The following STARD7 variants were observed in gnomAD, a reference collection of about 807,000 sequenced individuals.
The protein encoded by STARD7 is stAR-related lipid transfer protein 7, mitochondrial.
In STARD7, 30 loss-of-function variants were observed where a neutral mutation model predicts 45.3. That is an observed-to-expected ratio of 0.66 (90% CI 0.50 to 0.90). The LOEUF is 0.90. Among genes scored for constraint, STARD7 ranks in the 40% least tolerant of loss-of-function variants. The probability of loss-of-function intolerance (pLI) is 0.00; values close to 1 mark genes in which losing one functional copy is unlikely to be tolerated. For synonymous variants in STARD7, 199 were observed against 183.0 expected (o/e 1.09, Z -0.70); for missense variants, 495 against 491.3 (o/e 1.01, Z -0.07).
At chr2:96,188,622 G>A (rs1220069767) in intron 6 of STARD7, among the ~76,000 whole-genome samples, 4 of 151,458 alleles carry the variant, frequency 2.6e-5, no homozygotes, top group East Asian at 2.0e-4. Flanking sequence ...GGTGGCTCAC[G>A]TCTGTAATCT....
rs1291192196 is a variant in STARD7, at chr2:96,185,382, AAAAAC to A, written c.*1343_*1347del. 2,594 of 151,976 alleles carry A rather than the reference AAAAAC, an allele frequency of 0.017. 188 individuals are homozygous for A. The East Asian group carries it at 0.21, about 12-fold the overall frequency. The allele number at this position is 151,976 out of a possible 1,614,324, so 9.4% of individuals were successfully genotyped here. ...ACAAAACAGTAGCAAGCAGGAAAAC[AAAAAC>A]AAAAACAAAAACAAAAACTCTGGCC... On this transcript the variant is annotated 3_prime_UTR_variant, in exon 8 of 8. Coordinates refer to ENST00000337288, the MANE Select transcript of STARD7 (RefSeq NM_020151.4).
At chr2:96,193,779 C>T (rs1217791244) in intron 3 of STARD7, among the ~76,000 whole-genome samples, 3 of 152,194 alleles carry the variant, frequency 2.0e-5, no homozygotes, top group African/African-American at 7.2e-5. Context: ...TCACTAGTAA[C>T]TGAAGATTTT....
chr2:96,205,829 A>G (rs1324875757), intron 1 of STARD7, among the ~76,000 whole-genome samples: 1 of 152,228 alleles, frequency 6.6e-6, no homozygotes, highest in Non-Finnish European at 1.5e-5. Flanking sequence ...CACATTAACA[A>G]ATATTTTAAA....
chr2:96,199,657 G>A (rs1683275474), intron 1 of STARD7, among the ~76,000 whole-genome samples: 1 of 152,116 alleles, frequency 6.6e-6, no homozygotes, highest in Non-Finnish European at 1.5e-5. Context: ...ATTTCCTTAT[G>A]TTGCCTGATT....
intron 1 of STARD7, among the ~76,000 whole-genome samples, chr2:96,204,247 G>A (rs1416898530): frequency 6.6e-6 from 1 of 151,818 alleles, no homozygotes; most frequent in Non-Finnish European, 1.5e-5. Context: ...GCGACAGAGT[G>A]AGATTATGTC....
chr2:96,208,215 C>A lies in STARD7; in HGVS notation c.220G>T (p.Ala74Ser), dbSNP rs575047234. 2 of 1,612,422 alleles carry A rather than the reference C, an allele frequency of 1.2e-6. No homozygotes were observed. Among genetic ancestry groups the A allele is most frequent in the African/African-American group, 1.3e-5 (1 of 74,872 alleles). Residue 74 changes from alanine to serine, a missense_variant, in exon 1 of 8, where the codon GCC (alanine) becomes TCC (serine). By Grantham distance (99) the Ala-to-Ser change is moderately conservative (BLOSUM62 1). This residue lies in a region of STARD7 where 282 missense variants were observed against 220.1 expected (regional missense o/e 1.28). Transcript: ENST00000337288. ...ACGCCGGCTAACGCCGCCATCAAGG[C>A]AGAGGCATGGCCAGGACGGCCGTGC... ...RLHGRPGHAS[A>S]LMAALAGVFV...
chr2:96,200,653 A>G (rs1042554343), intron 1 of STARD7, among the ~76,000 whole-genome samples: 1 of 152,144 alleles, frequency 6.6e-6, no homozygotes, highest in African/African-American at 2.4e-5. Flanking sequence ...TATAATAATA[A>G]TTTTTTAAAA....
intron 1 of STARD7, among the ~76,000 whole-genome samples, chr2:96,198,621 G>A (rs577327850): frequency 6.6e-6 from 1 of 152,100 alleles, no homozygotes; most frequent in African/African-American, 2.4e-5. Flanking sequence ...ATTGCGTCTT[G>A]ACTGGTATTT....
At chr2:96,189,567 T>C (rs1683093320) in intron 6 of STARD7, among the ~76,000 whole-genome samples, 1 of 152,018 alleles carries the variant, frequency 6.6e-6, no homozygotes, top group Non-Finnish European at 1.5e-5. Context: ...TAGCTAGGCG[T>C]GGTGGTGCAC....
chr2:96,187,569 C>T (rs749644236), intron 6 of STARD7: 14 of 318,784 alleles, frequency 4.4e-5, no homozygotes, highest in Non-Finnish European at 6.5e-5. Flanking sequence ...ATGCAAACAA[C>T]GTGGTTTATG....
Position 96,185,062 on chromosome 2 carries a change from CACAT to C in STARD7, c.*1664_*1667del, listed in dbSNP as rs927557827. On this transcript the variant is annotated 3_prime_UTR_variant, in exon 8 of 8. Transcript: ENST00000337288. ...GCGCTCGCAGACGCACACACACACA[CACAT>C]ATTCTCTCTCTCTCTTATGCACACA... is the stretch of plus-strand genomic sequence containing the variant. 4.6e-5 allele frequency: 7 copies of C among 152,650 alleles called. No homozygotes were observed. The highest frequency in any genetic ancestry group is 1.2e-4 in the African/African-American group (5 of 41,520). 9.5% of individuals were successfully genotyped at this position (152,650 alleles called of 1,614,324 possible).
chr2:96,198,980 C>G (rs1683265780), intron 1 of STARD7, among the ~76,000 whole-genome samples: 1 of 152,198 alleles, frequency 6.6e-6, no homozygotes, highest in African/African-American at 2.4e-5. Flanking sequence ...TTGTTGAAAA[C>G]TGACCAAAAA....
At position 96,208,770 on chromosome 2, in the gene STARD7, GAGAC is replaced by G. The variant is rs1558739491; in HGVS notation, c.-340_-337del. 1 of 410,364 alleles carries G rather than the reference GAGAC, an allele frequency of 2.4e-6. No homozygotes were observed. The highest frequency in any genetic ancestry group is 4.3e-6 in the Non-Finnish European group (1 of 232,194). The allele number at this position is 410,364 out of a possible 1,614,324, so 25.4% of individuals were successfully genotyped here. A position where few individuals can be genotyped will look rare whatever the true frequency, so the allele number is the denominator to read the frequency against. On this transcript the variant is annotated 5_prime_UTR_variant, in exon 1 of 8. Transcript: ENST00000337288. ...GGATGCAGGGCGCGCGGACAGAAAC[GAGAC>G]AGACAGCTCAGGCCCAGCAGCACGC...
At chr2:96,205,089 G>C (rs557463143) in intron 1 of STARD7, among the ~76,000 whole-genome samples, 10 of 152,208 alleles carry the variant, frequency 6.6e-5, no homozygotes, top group Admixed American at 6.5e-4. Flanking sequence ...GATTTGCCCT[G>C]GAATCACAGA....
Position 96,208,476 on chromosome 2 carries a change from G to A in STARD7, c.-42C>T. 7.4e-7 allele frequency: 1 copy of A among 1,357,816 alleles called. No individual in the cohort carries two copies. The highest frequency in any genetic ancestry group is 2.7e-4 in the Middle Eastern group (1 of 3,666). The allele number at this position is 1,357,816 out of a possible 1,614,324, so 84.1% of individuals were successfully genotyped here. A position where few individuals can be genotyped will look rare whatever the true frequency, so the allele number is the denominator to read the frequency against. ...CCCGCCGCGAGCTTCCGGGGCCCAA[G>A]GAACCAGTCCGGAGGGGCGCAGGCG... On this transcript the variant is annotated 5_prime_UTR_variant, in exon 1 of 8. Coordinates refer to ENST00000337288, the MANE Select transcript of STARD7 (RefSeq NM_020151.4).
chr2:96,195,583 T>G, intron 1 of STARD7, 34 bp from the exon 2 acceptor site: 1 of 1,558,184 alleles, frequency 6.4e-7, no homozygotes, highest in African/African-American at 1.4e-5. Flanking sequence ...GGTGAGGTGG[T>G]TAGTCAGCCC....
intron 1 of STARD7, among the ~76,000 whole-genome samples, chr2:96,203,719 T>A (rs1383667934): frequency 2.6e-5 from 4 of 152,086 alleles, no homozygotes; most frequent in Non-Finnish European, 5.9e-5. Context: ...TCCCAGCACT[T>A]TGGGAGGCCA....
chr2:96,190,329 C>A (rs1573940237), intron 6 of STARD7, among the ~76,000 whole-genome samples: 1 of 148,420 alleles, frequency 6.7e-6, no homozygotes. Context: ...ACATTTAAGT[C>A]TGTGTCTTTT....
In STARD7 at chr2:96,208,453, C is replaced by A. The variant is rs910970162; in HGVS notation, c.-19G>T. On this transcript the variant is annotated 5_prime_UTR_variant, in exon 1 of 8. Transcript: ENST00000337288. ...GGAGCATGCCGCCTCCCGCAGGGCC[C>A]GCCGCGAGCTTCCGGGGCCCAAGGA... The A allele has an allele frequency of 1.5e-6, 2 of 1,357,904 alleles. No individual in the cohort carries two copies. Among genetic ancestry groups the A allele is most frequent in the Non-Finnish European group, 1.9e-6 (2 of 1,065,026 alleles). The allele number at this position is 1,357,904 out of a possible 1,614,324, so 84.1% of individuals were successfully genotyped here.
Sources: allele counts gnomAD v4.1 joint callset (sites outside exome capture counted in the v4.1 genomes callset), GRCh38; gene constraint gnomAD v4.1.1; regional missense constraint gnomAD v4.1.1; transcripts MANE v1.5; gene names NCBI Gene and HGNC (gene_info 2026-07-23, HGNC 2026-07-21).